The following PDCD6IP variants were observed in gnomAD, a reference collection of about 807,000 sequenced individuals.
PDCD6IP encodes programmed cell death 6-interacting protein.
A neutral mutation model predicts 103.7 loss-of-function variants in PDCD6IP; 43 were observed. The ratio of observed to expected loss-of-function variants is 0.41; its 90% CI spans 0.32 to 0.53. The LOEUF (loss-of-function observed/expected upper bound fraction) is 0.53. Among genes scored for constraint, PDCD6IP ranks in the 20% least tolerant of loss-of-function variants. PDCD6IP has a pLI of 0.16. For missense variants in PDCD6IP, 871 were observed against 1,036.7 expected, an observed-to-expected ratio of 0.84 and a Z score of 2.20; for synonymous variants, 354 against 378.7, an observed-to-expected ratio of 0.93 and a Z score of 0.76.
rs2125454986 is a variant in PDCD6IP, at chr3:33,865,117, G to A, written c.2245-126G>A. 4.9e-6 allele frequency: 3 copies of A among 616,308 alleles called. No individual in the cohort carries two copies. The East Asian group carries it at 1.0e-4, about 21-fold the overall frequency. The allele number at this position is 616,308 out of a possible 1,614,324, so 38.2% of individuals were successfully genotyped here. On this transcript the variant is annotated intron_variant, in intron 16 of 17. Coordinates refer to ENST00000307296, the MANE Select transcript of PDCD6IP (RefSeq NM_013374.6). ...TCTATAGTAATAAGCCGGTATTTAA[G>A]AATGGGAATTAAAAATATATTTGGT...
intron 1 of PDCD6IP, among the ~76,000 whole-genome samples, chr3:33,801,412 T>C (rs575823218): frequency 6.6e-6 from 1 of 152,342 alleles, no homozygotes; most frequent in East Asian, 1.9e-4. Flanking sequence ...GCTCCAGTGA[T>C]AGACTTGTTT....
chr3:33,819,295 T>A (rs1484742989), intron 3 of PDCD6IP, among the ~76,000 whole-genome samples: 1 of 152,174 alleles, frequency 6.6e-6, no homozygotes, highest in African/African-American at 2.4e-5. Flanking sequence ...CTTTGTCTTA[T>A]TAATTTAAAA....
intron 5 of PDCD6IP, among the ~76,000 whole-genome samples, chr3:33,826,038 A>G (rs1180146902): frequency 6.6e-6 from 1 of 152,160 alleles, no homozygotes; most frequent in Non-Finnish European, 1.5e-5. Context: ...AATGGGCTGA[A>G]TATGTAATAT....
intron 9 of PDCD6IP, among the ~76,000 whole-genome samples, chr3:33,841,583 C>T (rs1186895621): frequency 2.6e-5 from 4 of 151,086 alleles, no homozygotes; most frequent in African/African-American, 4.9e-5. Context: ...GGACTACAGG[C>T]GCCCGCCACC....
chr3:33,824,890 T>G (rs1697082281), intron 4 of PDCD6IP, among the ~76,000 whole-genome samples: 1 of 152,244 alleles, frequency 6.6e-6, no homozygotes, highest in Non-Finnish European at 1.5e-5. Context: ...TCTATTCTCA[T>G]GTTAATTTTG....
intron 9 of PDCD6IP, among the ~76,000 whole-genome samples, chr3:33,841,236 C>T (rs977220005): frequency 1.3e-5 from 2 of 151,766 alleles, no homozygotes; most frequent in Non-Finnish European, 2.9e-5. Context: ...CCATGTTGGC[C>T]AGGCTGGTCT....
rs371057856 is a variant in PDCD6IP at position 33,866,420 on chromosome 3, A to C, written c.2502A>C (p.Pro834=). 1.2e-5 allele frequency: 19 copies of C among 1,611,536 alleles called. No homozygotes were observed. Among genetic ancestry groups the C allele is most frequent in the Admixed American group, 1.7e-5 (1 of 59,484 alleles). The change falls in exon 18 of 18, where the codon CCA becomes CCC. Residue 834 remains proline (P), a synonymous_variant. Coordinates refer to ENST00000307296, the MANE Select transcript of PDCD6IP (RefSeq NM_013374.6). ...YAYGQYNMPY[P]PVYHQSPGQA... is the part of the protein sequence containing the mutation. Reference sequence around the variant, plus strand: ...ATGGCCAGTATAATATGCCATATCCACCAGTGTATCACCAGAGTCCTGGAC... The same window carrying C: ...ATGGCCAGTATAATATGCCATATCCCCCAGTGTATCACCAGAGTCCTGGAC...
chr3:33,821,988 T>C lies in PDCD6IP; in HGVS notation c.368T>C (p.Val123Ala), dbSNP rs1164834706. Reference sequence around the variant, plus strand: ...AGCTTAGGATATGAAAAGAGCTGTGTGTTGTTCAATTGTGCAGCCTTAGCT... The same window carrying C: ...AGCTTAGGATATGAAAAGAGCTGTGCGTTGTTCAATTGTGCAGCCTTAGCT... ...LASLGYEKSC[V>A]LFNCAALASQ... is the part of the protein sequence containing the mutation. Residue 123 changes from valine to alanine, a missense_variant, in exon 4 of 18, where the codon GTG becomes GCG. Physicochemically the swap from Val to Ala is moderately conservative, Grantham distance 64. This residue lies in a region of PDCD6IP where 47 missense variants were observed against 83.7 expected (regional missense o/e 0.56). Transcript: ENST00000307296. 1 of 1,613,966 alleles carries C rather than the reference T, an allele frequency of 6.2e-7. No homozygotes were observed. Among genetic ancestry groups the C allele is most frequent in the African/African-American group, 1.3e-5 (1 of 74,948 alleles).
intron 4 of PDCD6IP, among the ~76,000 whole-genome samples, chr3:33,824,646 A>T (rs974013820): frequency 6.6e-6 from 1 of 152,226 alleles, no homozygotes; most frequent in Admixed American, 6.5e-5. Context: ...TTTAGTATTA[A>T]CAAAATATAA....
rs1279869474 is a variant in PDCD6IP at position 33,868,263 on chromosome 3, C to A, written c.*1738C>A. On this transcript the variant is annotated 3_prime_UTR_variant, in exon 18 of 18. Coordinates refer to ENST00000307296, the MANE Select transcript of PDCD6IP (RefSeq NM_013374.6). ...AAGACAGTGAGAGTTAGAGGTATTA[C>A]AAGTTGCTAGTTTATAATGTCTTAC... 1.3e-5 allele frequency: 2 copies of A among 152,112 alleles called. No homozygotes were observed. Among genetic ancestry groups the A allele is most frequent in the Admixed American group, 1.3e-4 (2 of 15,266 alleles). The allele number at this position is 152,112 out of a possible 1,614,324, so 9.4% of individuals were successfully genotyped here.
chr3:33,804,651 T>C (rs1037947294), intron 1 of PDCD6IP, among the ~76,000 whole-genome samples: 14 of 152,250 alleles, frequency 9.2e-5, no homozygotes, highest in Middle Eastern at 3.2e-3. Context: ...CTATCATCAT[T>C]CTGTGTATCT....
At chr3:33,812,561 A>G (rs1696743297) in intron 2 of PDCD6IP, among the ~76,000 whole-genome samples, 1 of 152,250 alleles carries the variant, frequency 6.6e-6, no homozygotes, top group African/African-American at 2.4e-5. Flanking sequence ...CATGAATGTC[A>G]ACTATTTTCT....
At chr3:33,825,379 G>A (rs370551027) in intron 5 of PDCD6IP, 39 bp downstream of exon 5, 10 of 1,509,230 alleles carry the variant, frequency 6.6e-6, no homozygotes, top group Non-Finnish European at 8.1e-6. Context: ...GTGAAAAAAA[G>A]TGATAAGGCT....
chr3:33,813,986 A>T (rs1696774688), intron 3 of PDCD6IP, among the ~76,000 whole-genome samples: 1 of 152,230 alleles, frequency 6.6e-6, no homozygotes. Context: ...TAGGCCTTGA[A>T]GGATGGATTT....
intron 15 of PDCD6IP, among the ~76,000 whole-genome samples, chr3:33,857,727 T>TGA (rs1475909106): frequency 6.6e-6 from 1 of 152,114 alleles, no homozygotes; most frequent in Non-Finnish European, 1.5e-5. Context: ...TTTGAGAAAA[T>TGA]GAGTGTTCTG....
rs564102859 is a variant in PDCD6IP, at chr3:33,867,450, A to G, written c.*925A>G. On this transcript the variant is annotated 3_prime_UTR_variant, in exon 18 of 18. Transcript: ENST00000307296. ...GAATTGTTTGGGGAACACTTACTGT[A>G]CCCTCTCATCCTTTTTCCACCTTAC... is the stretch of plus-strand genomic sequence containing the variant. 3 of 152,312 alleles carry G rather than the reference A, an allele frequency of 2.0e-5. No homozygotes were observed. In the South Asian group the frequency reaches 6.2e-4, roughly 32 times the overall value. 9.4% of individuals were successfully genotyped at this position (152,312 alleles called of 1,614,324 possible). A position where few individuals can be genotyped will look rare whatever the true frequency, so the allele number is the denominator to read the frequency against.
chr3:33,799,146 C>T (rs1386220394), intron 1 of PDCD6IP: 19 of 594,282 alleles, frequency 3.2e-5, no homozygotes, highest in Middle Eastern at 4.5e-4. Flanking sequence ...CCTGCCTGCA[C>T]GTCTGCTCTA....
intron 7 of PDCD6IP, among the ~76,000 whole-genome samples, chr3:33,831,599 A>G (rs886182888): frequency 6.6e-6 from 1 of 152,154 alleles, no homozygotes; most frequent in Admixed American, 6.5e-5. Context: ...ATTTTTCAAA[A>G]TTGGGAAAAT....
At position 33,866,746 on chromosome 3, in the gene PDCD6IP, G is replaced by C; in HGVS notation, c.*221G>C. The stretch of plus-strand genomic sequence containing the variant: ...GCAGTATAAACACTAGGTATAATAG[G>C]ATTTGAAATTGCATTACAGTTCATA... On this transcript the variant is annotated 3_prime_UTR_variant, in exon 18 of 18. Transcript: ENST00000307296. 2.6e-6 allele frequency: 1 copy of C among 386,746 alleles called. No homozygotes were observed. The highest frequency in any genetic ancestry group is 4.6e-6 in the Non-Finnish European group (1 of 219,118). 24.0% of individuals were successfully genotyped at this position (386,746 alleles called of 1,614,324 possible). A position where few individuals can be genotyped will look rare whatever the true frequency, so the allele number is the denominator to read the frequency against.
Sources: gnomAD v4.1 joint callset for allele counts (sites outside exome capture counted in the v4.1 genomes callset) on GRCh38, gnomAD v4.1.1 for gene constraint, gnomAD v4.1.1 regional missense constraint, MANE v1.5 for transcripts, NCBI Gene and HGNC (gene_info 2026-07-23, HGNC 2026-07-21) for gene names.